The following LTAP1 variants were observed in gnomAD, a reference collection of about 807,000 sequenced individuals.
LTAP1 encodes HCV NS5A-transactivated protein 4.
At chr1:154,212,252 A>C in the LTAP1 span, 1 of 1,499,138 alleles carries the variant, frequency 6.7e-7, no homozygotes, top group Non-Finnish European at 9.3e-7. Flanking sequence ...TATGAAGGTC[A>C]CTGCACTGTG....
the LTAP1 span, among the ~76,000 whole-genome samples, chr1:154,217,115 T>A: frequency 6.6e-6 from 1 of 151,608 alleles, no homozygotes; most frequent in East Asian, 1.9e-4. Flanking sequence ...CCCAGCTAAT[T>A]TTTTTGCATT....
the LTAP1 span, among the ~76,000 whole-genome samples, chr1:154,215,230 C>A: frequency 6.6e-6 from 1 of 151,986 alleles, no homozygotes; most frequent in Admixed American, 6.6e-5. Context: ...ACACATATTT[C>A]TTTTAAAATA....
the LTAP1 span, among the ~76,000 whole-genome samples, chr1:154,210,912 C>T: frequency 1.4e-4 from 21 of 152,170 alleles, no homozygotes; most frequent in African/African-American, 5.1e-4. Flanking sequence ...TCCTGTGACA[C>T]AAATGCTCAA....
the LTAP1 span, among the ~76,000 whole-genome samples, chr1:154,210,836 C>T: frequency 1.3e-5 from 2 of 151,792 alleles, no homozygotes; most frequent in Non-Finnish European, 1.5e-5. Context: ...TTAACATTTG[C>T]ATGAAAATAC....
the LTAP1 span, among the ~76,000 whole-genome samples, chr1:154,209,632 G>T: frequency 2.6e-5 from 4 of 151,868 alleles, no homozygotes; most frequent in Non-Finnish European, 4.4e-5. Context: ...TGTTGCCCAG[G>T]CTGGAGTGCA....
At chr1:154,219,824 C>T in the LTAP1 span, 2 of 1,582,694 alleles carry the variant, frequency 1.3e-6, no homozygotes, top group South Asian at 2.3e-5. Context: ...AACTTGTGCC[C>T]TAAGGACCTA....
chr1:154,207,675 G>A, the LTAP1 span: 1 of 1,555,588 alleles, frequency 6.4e-7, no homozygotes, highest in African/African-American at 1.4e-5. Context: ...GGAGGTCATT[G>A]ACAGAATGAG....
chr1:154,207,822 T>C, the LTAP1 span, among the ~76,000 whole-genome samples: 1 of 152,084 alleles, frequency 6.6e-6, no homozygotes, highest in Non-Finnish European at 1.5e-5. Context: ...TACAAGAGGC[T>C]GAGCGCGGTG....
the LTAP1 span, among the ~76,000 whole-genome samples, chr1:154,211,462 G>A: frequency 2.2e-5 from 3 of 139,470 alleles, no homozygotes; most frequent in Non-Finnish European, 3.0e-5. Context: ...TCAGCCACCC[G>A]AGTAGCTGAG....
At chr1:154,214,689 C>T in the LTAP1 span, 1 of 649,016 alleles carries the variant, frequency 1.5e-6, no homozygotes, top group Non-Finnish European at 2.7e-6. Flanking sequence ...AGACCATGCT[C>T]ATGTAGTTAA....
chr1:154,220,513 G>T, the LTAP1 span: 1 of 1,290,998 alleles, frequency 7.7e-7, no homozygotes, highest in Non-Finnish European at 1.1e-6. Context: ...GAGCTCCCCG[G>T]CCATTTCCTT....
chr1:154,218,284 A>G, the LTAP1 span, among the ~76,000 whole-genome samples: 1 of 152,206 alleles, frequency 6.6e-6, no homozygotes, highest in Non-Finnish European at 1.5e-5. Context: ...ATGACCAGTT[A>G]TTTTCCAAAG....
the LTAP1 span, among the ~76,000 whole-genome samples, chr1:154,208,038 T>C: frequency 5.3e-5 from 8 of 151,022 alleles, no homozygotes; most frequent in African/African-American, 1.7e-4. Flanking sequence ...GAGGCAGAGG[T>C]TGCAAGCCAA....
the LTAP1 span, chr1:154,207,577 T>C: frequency 1.2e-6 from 2 of 1,614,064 alleles, no homozygotes; most frequent in Non-Finnish European, 1.7e-6. Flanking sequence ...TGGGGAGACC[T>C]CAGGGGACTG....
At chr1:154,207,171 G>GA in the LTAP1 span, 2 of 300,814 alleles carry the variant, frequency 6.6e-6, no homozygotes, top group Non-Finnish European at 1.2e-5. Context: ...AGATTTTTAA[G>GA]AAGCTTTGAC....
At chr1:154,218,831 A>G in the LTAP1 span, among the ~76,000 whole-genome samples, 1 of 152,250 alleles carries the variant, frequency 6.6e-6, no homozygotes, top group Non-Finnish European at 1.5e-5. Context: ...ACAAACATAA[A>G]AATTATGGTA....
the LTAP1 span, among the ~76,000 whole-genome samples, chr1:154,215,503 T>C: frequency 6.6e-6 from 1 of 151,324 alleles, no homozygotes; most frequent in Admixed American, 6.6e-5. Flanking sequence ...GAGGCAGAGC[T>C]TGCAGTGAGC....
At chr1:154,215,835 ACTTT>A in the LTAP1 span, among the ~76,000 whole-genome samples, 1,703 of 149,790 alleles carry the variant, frequency 0.011, 32 homozygotes, top group African/African-American at 0.039. Context: ...ATTACCACTA[ACTTT>A]CTTTTTTTTT....
At chr1:154,214,371 C>CCA in the LTAP1 span, 1 of 850,942 alleles carries the variant, frequency 1.2e-6, no homozygotes, top group Admixed American at 2.0e-5. Flanking sequence ...TAAGGCTTTG[C>CCA]CAGCAGCTTT....
Sources: allele counts gnomAD v4.1 joint callset (sites outside exome capture counted in the v4.1 genomes callset), GRCh38; gene constraint gnomAD v4.1.1; transcripts MANE v1.5; gene names NCBI Gene and HGNC (gene_info 2026-07-23, HGNC 2026-07-21).